Variants in CAP2 observed in about 807,000 individuals in gnomAD.
CAP2 encodes cyclase associated actin cytoskeleton regulatory protein 2, also known as adenylyl cyclase-associated protein 2.
A neutral mutation model predicts 57.7 loss-of-function variants in CAP2; 24 were observed. That is an observed-to-expected ratio of 0.42 (90% CI 0.30 to 0.58). The LOEUF is 0.58. Ranked by LOEUF, CAP2 falls within the 20% of genes least tolerant of loss-of-function variation. The pLI, the probability that CAP2 is intolerant of heterozygous loss-of-function variation, is 0.22. For synonymous variants in CAP2, 194 were observed against 207.2 expected (o/e 0.94, Z 0.55); for missense variants, 501 against 590.3 (o/e 0.85, Z 1.57).
At chr6:17,408,660 CTTT>C (rs35571407) in intron 1 of CAP2, among the ~76,000 whole-genome samples, 3 of 120,432 alleles carry the variant, frequency 2.5e-5, no homozygotes, top group African/African-American at 3.4e-5. Context: ...TGATAGCCTC[CTTT>C]TTTTTTTTTT....
Position 17,542,900 on chromosome 6 carries a change from A to G in CAP2, c.1066A>G (p.Ile356Val), listed in dbSNP as rs1367685654. Reference sequence around the variant, plus strand: ...GACTGAGCTGAAACAAGTGGCTTACATTTTCAAATGCGAAAAATCAACTAT... The same window carrying G: ...GACTGAGCTGAAACAAGTGGCTTACGTTTTCAAATGCGAAAAATCAACTAT... Reference protein sequence around the residue: ...SETELKQVAYIFKCEKSTIQI... With the variant: ...SETELKQVAYVFKCEKSTIQI... Residue 356 changes from isoleucine to valine, a missense_variant, in exon 10 of 13, where the codon ATT becomes GTT. Transcript: ENST00000229922. The G allele has an allele frequency of 7.4e-6, 12 of 1,613,602 alleles. No homozygotes were observed. The Admixed American group carries it at 1.2e-4, about 16-fold the overall frequency.
intron 3 of CAP2, among the ~76,000 whole-genome samples, chr6:17,435,965 G>C (rs556796765): frequency 3.2e-4 from 49 of 152,270 alleles, no homozygotes; most frequent in Non-Finnish European, 6.0e-4. Context: ...GGATTCCAGG[G>C]TGTATCAGTC....
rs577082206 is a variant in CAP2 at position 17,465,462 on chromosome 6, C to T, written c.300+2389C>T. On this transcript the variant is annotated intron_variant, in intron 4 of 12. Transcript: ENST00000229922. ...GCTCCATGTGCAATAAGGCCTGGACCAGGACCAGGAAAATGCAGAGCAGGC... is the reference window on the plus strand; with the variant it reads ...GCTCCATGTGCAATAAGGCCTGGACTAGGACCAGGAAAATGCAGAGCAGGC... Among the ~76,000 whole-genome samples, 3 of 152,338 alleles carry T rather than the reference C, an allele frequency of 2.0e-5. No homozygotes were observed. The East Asian group carries it at 5.8e-4, about 29-fold the overall frequency.
At chr6:17,488,862 C>A (rs1761483516) in intron 4 of CAP2, among the ~76,000 whole-genome samples, 1 of 152,152 alleles carries the variant, frequency 6.6e-6, no homozygotes, top group Admixed American at 6.5e-5. Flanking sequence ...CATGGTGCAC[C>A]TGCTGCTTCA....
intron 1 of CAP2, among the ~76,000 whole-genome samples, chr6:17,408,814 C>T (rs888557846): frequency 6.2e-4 from 94 of 151,558 alleles, no homozygotes; most frequent in Middle Eastern, 3.4e-3. Flanking sequence ...GGACTGCAGG[C>T]GCCCGCCACC....
intron 3 of CAP2, among the ~76,000 whole-genome samples, chr6:17,428,951 T>G (rs1252981427): frequency 6.6e-6 from 1 of 152,172 alleles, no homozygotes; most frequent in Non-Finnish European, 1.5e-5. Flanking sequence ...AATGTATTTG[T>G]TTGCCACATC....
At chr6:17,498,666 T>A (rs1443025691) in intron 4 of CAP2, among the ~76,000 whole-genome samples, 3 of 152,184 alleles carry the variant, frequency 2.0e-5, no homozygotes, top group Non-Finnish European at 4.4e-5. Context: ...TGGGAGCCTG[T>A]CATCATTATT....
intron 1 of CAP2, among the ~76,000 whole-genome samples, chr6:17,417,360 C>T (rs914744647): frequency 1.3e-5 from 2 of 150,244 alleles, no homozygotes; most frequent in Non-Finnish European, 3.0e-5. Flanking sequence ...ACTGCAGCCT[C>T]GACCTCCCAG....
intron 7 of CAP2, among the ~76,000 whole-genome samples, chr6:17,519,061 T>G (rs1762333001): frequency 6.6e-6 from 1 of 152,192 alleles, no homozygotes; most frequent in Non-Finnish European, 1.5e-5. Context: ...AATTGTTGTT[T>G]TTTTCTATTT....
chr6:17,530,561 G>A (rs1269579588), intron 7 of CAP2, among the ~76,000 whole-genome samples: 2 of 152,150 alleles, frequency 1.3e-5, no homozygotes, highest in African/African-American at 2.4e-5. Flanking sequence ...ATGAAGGACA[G>A]TTCGAGGAGG....
intron 2 of CAP2, among the ~76,000 whole-genome samples, chr6:17,421,993 C>T (rs1759462083): frequency 6.6e-6 from 1 of 152,128 alleles, no homozygotes; most frequent in South Asian, 2.1e-4. Context: ...AGGCATCTCC[C>T]TGCCTCGGCC....
intron 7 of CAP2, among the ~76,000 whole-genome samples, chr6:17,515,414 C>T (rs1047139171): frequency 2.4e-4 from 36 of 152,018 alleles, no homozygotes; most frequent in South Asian, 6.2e-4. Flanking sequence ...AATGGGTACA[C>T]GTGGACATAA....
chr6:17,529,172 C>T (rs1375546209), intron 7 of CAP2, among the ~76,000 whole-genome samples: 1 of 152,168 alleles, frequency 6.6e-6, no homozygotes, highest in Non-Finnish European at 1.5e-5. Flanking sequence ...GTTTTATGTG[C>T]ACCTTTTTAC....
At chr6:17,500,359 A>AGTCTTGC (rs1761781140) in intron 4 of CAP2, among the ~76,000 whole-genome samples, 1 of 92,214 alleles carries the variant, frequency 1.1e-5, no homozygotes, top group Non-Finnish European at 2.2e-5. Flanking sequence ...ATATATATAT[A>AGTCTTGC]TATATATATA....
In CAP2 at chr6:17,431,851, T is replaced by C. The variant is rs558015194; in HGVS notation, c.222+5161T>C. Among the ~76,000 whole-genome samples, 5 of 152,218 alleles carry C rather than the reference T, an allele frequency of 3.3e-5. No individual in the cohort carries two copies. The South Asian group carries it at 1.0e-3, about 32-fold the overall frequency. ...TCTCAGCCTGAAAGCATGAGGGAGC[T>C]ATTCGGTTTCCAAATGAAGAGCTTG... On this transcript the variant is annotated intron_variant, in intron 3 of 12. Coordinates refer to ENST00000229922, the MANE Select transcript of CAP2 (RefSeq NM_006366.3).
At chr6:17,473,890 T>G (rs1204025832) in intron 4 of CAP2, among the ~76,000 whole-genome samples, 3 of 152,202 alleles carry the variant, frequency 2.0e-5, no homozygotes, top group Non-Finnish European at 4.4e-5. Flanking sequence ...TATTTAGCTC[T>G]TAATTGAAAA....
chr6:17,511,258 G>C (rs1435578621), intron 6 of CAP2, among the ~76,000 whole-genome samples: 6 of 151,956 alleles, frequency 3.9e-5, no homozygotes, highest in Non-Finnish European at 8.8e-5. Flanking sequence ...CCATTTACCG[G>C]TGGACTCAAG....
intron 4 of CAP2, among the ~76,000 whole-genome samples, chr6:17,504,139 A>G (rs557751522): frequency 6.9e-4 from 105 of 152,312 alleles, no homozygotes; most frequent in African/African-American, 2.2e-3. Flanking sequence ...AGAGCTAGTC[A>G]GTGAACTCGG....
At chr6:17,488,451 C>T (rs1050914761) in intron 4 of CAP2, among the ~76,000 whole-genome samples, 4 of 152,178 alleles carry the variant, frequency 2.6e-5, no homozygotes, top group African/African-American at 9.7e-5. Flanking sequence ...ACCATTTGTT[C>T]CTGTGACCAT....
Sources: allele counts gnomAD v4.1 joint callset (sites outside exome capture counted in the v4.1 genomes callset), GRCh38; gene constraint gnomAD v4.1.1; transcripts MANE v1.5; gene names NCBI Gene and HGNC (gene_info 2026-07-23, HGNC 2026-07-21).